PPP1R1C: variants seen among roughly 807,000 people sequenced by gnomAD.
PPP1R1C encodes the protein protein phosphatase 1 regulatory inhibitor subunit 1C.
Under a neutral mutation model 17.4 loss-of-function variants are expected in PPP1R1C, and 15 were observed. The ratio of observed to expected loss-of-function variants is 0.86; its 90% CI spans 0.58 to 1.33. The LOEUF is 1.33. Ranked by LOEUF, PPP1R1C falls within the 40% of genes most tolerant of loss-of-function variation. The pLI, the probability that PPP1R1C is intolerant of heterozygous loss-of-function variation, is 0.00. For synonymous variants in PPP1R1C, 35 were observed against 43.1 expected (o/e 0.81, Z 0.73); for missense variants, 143 against 130.0 (o/e 1.10, Z -0.48).
intron 2 of PPP1R1C, among the ~76,000 whole-genome samples, chr2:182,030,114 C>T (rs1169737815): frequency 7.0e-6 from 1 of 142,474 alleles, no homozygotes; most frequent in African/African-American, 2.6e-5. Flanking sequence ...ATACATTCTT[C>T]TAAATTTTTT....
upstream of PPP1R1C, among the ~76,000 whole-genome samples, chr2:181,984,418 G>T (rs1238546113): frequency 2.0e-5 from 3 of 152,152 alleles, no homozygotes; most frequent in South Asian, 4.1e-4. Context: ...TATATTCAAA[G>T]AAATAACTTC....
At chr2:181,955,360 A>G (rs1684652974) in intron 1 of PPP1R1C, among the ~76,000 whole-genome samples, 1 of 152,238 alleles carries the variant, frequency 6.6e-6, no homozygotes, top group Non-Finnish European at 1.5e-5. Flanking sequence ...TTGAAAAATT[A>G]CTTAAGGGAG....
At chr2:182,084,986 C>T (rs887529599) in intron 4 of PPP1R1C, among the ~76,000 whole-genome samples, 5 of 151,742 alleles carry the variant, frequency 3.3e-5, no homozygotes, top group African/African-American at 1.2e-4. Flanking sequence ...TAAGTATATT[C>T]CTAGGTATTT....
chr2:182,122,171 T>A (rs1689748700), downstream of PPP1R1C, among the ~76,000 whole-genome samples: 2 of 152,068 alleles, frequency 1.3e-5, no homozygotes, highest in African/African-American at 4.8e-5. Flanking sequence ...GGACGATAAT[T>A]TTGTAACCCT....
chr2:182,057,212 C>A (rs988215480), intron 2 of PPP1R1C, among the ~76,000 whole-genome samples: 3 of 152,120 alleles, frequency 2.0e-5, no homozygotes, highest in African/African-American at 4.8e-5. Flanking sequence ...AGAGGATAAT[C>A]CTCATTCTTT....
intron 4 of PPP1R1C, among the ~76,000 whole-genome samples, chr2:182,073,790 G>A (rs1185865707): frequency 2.0e-5 from 3 of 152,170 alleles, no homozygotes; most frequent in Non-Finnish European, 4.4e-5. Flanking sequence ...GGCACAGAAT[G>A]TGAATGGGCA....
At chr2:182,062,704 G>A (rs1687884475) in intron 3 of PPP1R1C, among the ~76,000 whole-genome samples, 2 of 152,084 alleles carry the variant, frequency 1.3e-5, no homozygotes, top group Non-Finnish European at 2.9e-5. Context: ...TTTGAGGGCA[G>A]TTAATCTTTA....
intron 2 of PPP1R1C, among the ~76,000 whole-genome samples, chr2:182,008,292 A>G (rs987313758): frequency 6.6e-6 from 1 of 152,098 alleles, no homozygotes; most frequent in African/African-American, 2.4e-5. Context: ...CATCTTTAAC[A>G]CTTCATCATT....
intron 2 of PPP1R1C, among the ~76,000 whole-genome samples, chr2:182,030,179 T>G (rs1222621008): frequency 1.3e-5 from 2 of 151,718 alleles, no homozygotes; most frequent in Admixed American, 1.3e-4. Flanking sequence ...TAGCTCAGGG[T>G]AATTTGATCG....
At chr2:182,094,655 C>T (rs970382728) in intron 4 of PPP1R1C, among the ~76,000 whole-genome samples, 2 of 152,116 alleles carry the variant, frequency 1.3e-5, no homozygotes, top group East Asian at 1.9e-4. Context: ...TGTTGTGATA[C>T]GATTTTGCCC....
intron 2 of PPP1R1C, among the ~76,000 whole-genome samples, chr2:181,989,584 A>G (rs1320407616): frequency 6.6e-6 from 1 of 152,178 alleles, no homozygotes; most frequent in African/African-American, 2.4e-5. Flanking sequence ...TTTCTGGACC[A>G]CTTATCTTAG....
At chr2:182,038,492 T>C (rs187218455) in intron 2 of PPP1R1C, among the ~76,000 whole-genome samples, 3 of 152,282 alleles carry the variant, frequency 2.0e-5, no homozygotes, top group East Asian at 1.9e-4. Context: ...TGAAGTGTTG[T>C]TAATGCCCCC....
chr2:181,989,956 T>C (rs566402681), intron 2 of PPP1R1C, among the ~76,000 whole-genome samples: 3 of 152,272 alleles, frequency 2.0e-5, no homozygotes, highest in South Asian at 2.1e-4. Context: ...CTTAAAAGCT[T>C]ATAGTTTTCC....
chr2:182,087,479 A>G (rs1426797108), intron 4 of PPP1R1C, among the ~76,000 whole-genome samples: 1 of 152,202 alleles, frequency 6.6e-6, no homozygotes, highest in Non-Finnish European at 1.5e-5. Flanking sequence ...TCATTTACTT[A>G]TTAATCACAT....
chr2:182,001,985 C>T (rs1685780017), intron 2 of PPP1R1C, among the ~76,000 whole-genome samples: 1 of 152,106 alleles, frequency 6.6e-6, no homozygotes, highest in Admixed American at 6.5e-5. Context: ...ATATTATTTT[C>T]TGACTGAGTC....
intron 4 of PPP1R1C, among the ~76,000 whole-genome samples, chr2:182,102,720 AT>A (rs1220323433): frequency 6.6e-6 from 1 of 152,020 alleles, no homozygotes; most frequent in Non-Finnish European, 1.5e-5. Flanking sequence ...CACAAAGATG[AT>A]TTTTTTTGTA....
intron 4 of PPP1R1C, among the ~76,000 whole-genome samples, chr2:182,094,641 A>AAAAAGGG (rs1688878850): frequency 6.6e-6 from 1 of 152,216 alleles, no homozygotes; most frequent in Non-Finnish European, 1.5e-5. Flanking sequence ...TCTAGAGTGA[A>AAAAAGGG]CTGTGTTGTG....
intron 4 of PPP1R1C, among the ~76,000 whole-genome samples, chr2:182,116,633 C>A (rs1240658956): frequency 2.0e-5 from 3 of 152,080 alleles, no homozygotes. Flanking sequence ...ATTATAAGAG[C>A]CTTGTATAGC....
At chr2:181,973,778 G>C (rs1394001272) in intron 1 of PPP1R1C, among the ~76,000 whole-genome samples, 1 of 152,098 alleles carries the variant, frequency 6.6e-6, no homozygotes, top group Admixed American at 6.6e-5. Context: ...GGCATACTCA[G>C]GATGAATACA....
Sources: allele counts gnomAD v4.1 joint callset (sites outside exome capture counted in the v4.1 genomes callset), GRCh38; gene constraint gnomAD v4.1.1; transcripts MANE v1.5; gene names NCBI Gene and HGNC (gene_info 2026-07-23, HGNC 2026-07-21).